The following ANKRD30BL variants were observed in gnomAD, a reference collection of about 807,000 sequenced individuals.
The protein encoded by ANKRD30BL is ankyrin repeat domain 30B like, also known as putative ankyrin repeat domain-containing protein 30B-like.
ANKRD30BL carries 20 observed loss-of-function variants against 18.4 expected under a neutral mutation model. The ratio of observed to expected loss-of-function variants is 1.09; its 90% confidence interval spans 0.77 to 1.58. The LOEUF (loss-of-function observed/expected upper bound fraction) is 1.58, where lower values mean the gene tolerates loss of function less well. Ranked by LOEUF, ANKRD30BL falls within the 40% of genes most tolerant of loss-of-function variation. ANKRD30BL has a pLI of 0.00. For missense variants in ANKRD30BL, 224 were observed against 268.6 expected, an observed-to-expected ratio of 0.83 and a Z score of 1.16; for synonymous variants, 72 against 100.9, an observed-to-expected ratio of 0.71 and a Z score of 1.72.
At chr2:132,237,675 A>G (rs557292099) in intron 1 of ANKRD30BL, among the ~76,000 whole-genome samples, 5,166 of 152,106 alleles carry the variant, frequency 0.034, 312 homozygotes, top group African/African-American at 0.12. Context: ...CTTGCAATCA[A>G]CTCACAGAGT....
chr2:132,209,847 G>C (rs1187630208), intron 1 of ANKRD30BL, among the ~76,000 whole-genome samples: 2 of 151,674 alleles, frequency 1.3e-5, no homozygotes, highest in South Asian at 2.1e-4. Context: ...TTGTAGAAAA[G>C]GAAATATCTT....
At chr2:132,193,774 G>T (rs1413388339) in intron 1 of ANKRD30BL, among the ~76,000 whole-genome samples, 1 of 151,156 alleles carries the variant, frequency 6.6e-6, no homozygotes, top group Non-Finnish European at 1.5e-5. Context: ...AAAACAAGAG[G>T]TAGAAACAGG....
chr2:132,249,298 A>C (rs896060282), intron 1 of ANKRD30BL, among the ~76,000 whole-genome samples: 1 of 152,088 alleles, frequency 6.6e-6, no homozygotes, highest in Non-Finnish European at 1.5e-5. Flanking sequence ...TCATGTGAAG[A>C]TATTTCCTTT....
chr2:132,209,274 T>C (rs1393645027), intron 1 of ANKRD30BL, among the ~76,000 whole-genome samples: 1 of 152,110 alleles, frequency 6.6e-6, no homozygotes, highest in Non-Finnish European at 1.5e-5. Flanking sequence ...TGAGCAGTTT[T>C]GAAACACTCT....
chr2:132,163,178 C>T (rs1188918204), upstream of ANKRD30BL, among the ~76,000 whole-genome samples: 2 of 152,174 alleles, frequency 1.3e-5, no homozygotes, highest in Non-Finnish European at 2.9e-5. Flanking sequence ...AGGCTGGGTG[C>T]AGGACCTCAT....
At chr2:132,171,871 C>T (rs1184318046) in intron 1 of ANKRD30BL, among the ~76,000 whole-genome samples, 1 of 152,094 alleles carries the variant, frequency 6.6e-6, no homozygotes, top group Non-Finnish European at 1.5e-5. Context: ...ACCCATTAAA[C>T]AATAACTTCT....
intron 1 of ANKRD30BL, among the ~76,000 whole-genome samples, chr2:132,246,391 T>G (rs1680501327): frequency 6.6e-6 from 1 of 151,958 alleles, no homozygotes; most frequent in Non-Finnish European, 1.5e-5. Context: ...GATGAGCAGT[T>G]TTGAGGCATG....
At chr2:132,253,443 A>C (rs2104811611) in intron 1 of ANKRD30BL, 1 of 152,620 alleles carries the variant, frequency 6.6e-6, no homozygotes, top group African/African-American at 2.4e-5. Context: ...GGAAGGTTTC[A>C]CAACACAGAG....
At chr2:132,160,249 C>G (rs1369881423) in intron 1 of ANKRD30BL, among the ~76,000 whole-genome samples, 2 of 151,758 alleles carry the variant, frequency 1.3e-5, no homozygotes, top group African/African-American at 4.8e-5. Flanking sequence ...TTACAGGCTC[C>G]CGACATCCTG....
intron 1 of ANKRD30BL, among the ~76,000 whole-genome samples, chr2:132,251,727 T>C (rs2104809378): frequency 6.6e-6 from 1 of 152,262 alleles, no homozygotes; most frequent in Middle Eastern, 3.4e-3. Context: ...ACAAAACAAT[T>C]CCATTCATTT....
At position 132,220,326 on chromosome 2, in the gene ANKRD30BL, G is replaced by GTCCCTCTCCCTC. The variant is rs1215625153; in HGVS notation, n.441+37191_441+37202dup. Among the ~76,000 whole-genome samples, 15 of 33,604 alleles carry GTCCCTCTCCCTC rather than the reference G, an allele frequency of 4.5e-4. 1 individual carries two copies. The highest frequency in any genetic ancestry group is 2.1e-3 in the African/African-American group (14 of 6,544). 22.0% of individuals were successfully genotyped at this position (33,604 alleles called of 152,430 possible). A position where few individuals can be genotyped will look rare whatever the true frequency, so the allele number is the denominator to read the frequency against. On this transcript the variant is annotated intron_variant and non_coding_transcript_variant, in intron 1 of 4. Coordinates refer to the ANKRD30BL transcript ENST00000470729. ...TGTCCCTCTCCCTCTCCCTCTCCCT[G>GTCCCTCTCCCTC]TCCCTCTCCCTCTCCCTCTCCCTGT...
intron 1 of ANKRD30BL, among the ~76,000 whole-genome samples, chr2:132,250,674 T>G (rs1473325066): frequency 5.9e-5 from 9 of 152,228 alleles, no homozygotes; most frequent in Non-Finnish European, 1.3e-4. Flanking sequence ...TCATCAGGTT[T>G]GGAGCAGAAA....
At chr2:132,157,208 A>G (rs1687932909) in intron 2 of ANKRD30BL, 62 bp from the exon 3 acceptor site, 1 of 1,203,656 alleles carries the variant, frequency 8.3e-7, no homozygotes. Flanking sequence ...AATATTCCAC[A>G]GGTTTCACAA....
intron 1 of ANKRD30BL, among the ~76,000 whole-genome samples, chr2:132,204,511 A>T (rs1679172703): frequency 6.7e-6 from 1 of 149,386 alleles, no homozygotes; most frequent in African/African-American, 2.5e-5. Flanking sequence ...GTATATATAT[A>T]TACTTATTTT....
At chr2:132,197,008 T>C (rs1343313905) in intron 1 of ANKRD30BL, among the ~76,000 whole-genome samples, 2 of 152,154 alleles carry the variant, frequency 1.3e-5, no homozygotes, top group African/African-American at 4.8e-5. Context: ...CCAAAGAGAA[T>C]GGAGAAGTCA....
At chr2:132,201,691 G>T (rs1037066886) in intron 1 of ANKRD30BL, among the ~76,000 whole-genome samples, 1 of 152,188 alleles carries the variant, frequency 6.6e-6, no homozygotes, top group Admixed American at 6.5e-5. Context: ...TACACTGTTG[G>T]TGGGACTGTA....
At chr2:132,217,596 C>T (rs78206066) in intron 1 of ANKRD30BL, among the ~76,000 whole-genome samples, 233 of 74,256 alleles carry the variant, frequency 3.1e-3, no homozygotes, top group Non-Finnish European at 3.3e-3. Flanking sequence ...CGTTGGAAGT[C>T]GGAATATCTT....
intron 1 of ANKRD30BL, among the ~76,000 whole-genome samples, chr2:132,216,166 G>C (rs191375186): frequency 1.3e-5 from 2 of 151,918 alleles, no homozygotes; most frequent in African/African-American, 4.8e-5. Flanking sequence ...TGTGGCATAT[G>C]GTGGAAAAGG....
In ANKRD30BL at chr2:132,220,418, A is replaced by C. The variant is rs1679643317; in HGVS notation, n.441+37111T>G. Among the ~76,000 whole-genome samples, 5 of 150,616 alleles carry C rather than the reference A, an allele frequency of 3.3e-5. No individual in the cohort carries two copies. The South Asian group carries it at 1.1e-3, about 32-fold the overall frequency. On this transcript the variant is annotated intron_variant and non_coding_transcript_variant, in intron 1 of 4. Coordinates refer to the ANKRD30BL transcript ENST00000470729. ...ACGGTCTCCCTCTGATGCCGAGCCA[A>C]AGCTGGACTGTACTGCTGCGATCTC...
Sources: allele counts gnomAD v4.1 joint callset (sites outside exome capture counted in the v4.1 genomes callset), GRCh38; gene constraint gnomAD v4.1.1; transcripts MANE v1.5; gene names NCBI Gene and HGNC (gene_info 2026-07-23, HGNC 2026-07-21).